Variants in PDZD4 observed in about 807,000 individuals in gnomAD.
The protein encoded by PDZD4 is PDZ domain-containing protein 4.
Under a neutral mutation model 38.5 loss-of-function variants are expected in PDZD4, and 9 were observed. The ratio of observed to expected loss-of-function variants is 0.23; its 90% CI spans 0.14 to 0.41. PDZD4 has a LOEUF of 0.41. Ranked by LOEUF, PDZD4 falls within the 10% of genes least tolerant of loss-of-function variation. The pLI, the probability that PDZD4 is intolerant of heterozygous loss-of-function variation, is 1.00. For missense variants in PDZD4, 612 were observed against 722.0 expected (o/e 0.85, Z 1.75); for synonymous variants, 349 against 315.7 (o/e 1.11, Z -1.12).
At chrX:153,811,748 C>T (rs1404143059) in intron 1 of PDZD4, among the ~76,000 whole-genome samples, 1 of 111,957 alleles carries the variant, frequency 8.9e-6, no homozygotes, top group Non-Finnish European at 1.9e-5. Context: ...GTTGGAAGAC[C>T]GTAAGAATGT....
At chrX:153,818,876 G>A (rs1306904200) in intron 1 of PDZD4, among the ~76,000 whole-genome samples, 3 of 109,453 alleles carry the variant, frequency 2.7e-5, no homozygotes, top group Admixed American at 9.5e-5. Context: ...GGACATGCGG[G>A]CAAGGGAGGG....
At chrX:153,807,252 G>A (rs782360558) in intron 3 of PDZD4, 27 bp downstream of exon 3, 32 of 1,198,648 alleles carry the variant, frequency 2.7e-5, no homozygotes, top group Non-Finnish European at 3.3e-5. Flanking sequence ...AGCTGGCTGC[G>A]GGCCCTGGCC....
At chrX:153,816,514 G>A (rs1459717153) in intron 1 of PDZD4, among the ~76,000 whole-genome samples, 4 of 110,244 alleles carry the variant, frequency 3.6e-5, no homozygotes, top group South Asian at 3.9e-4. Flanking sequence ...GAAGAGGGGG[G>A]AATCCTGCCC....
intron 1 of PDZD4, among the ~76,000 whole-genome samples, chrX:153,827,403 A>G (rs1411523005): frequency 8.9e-6 from 1 of 112,311 alleles, no homozygotes; most frequent in Non-Finnish European, 1.9e-5. Context: ...AAAAGCAAGG[A>G]CTCAAACAGA....
chrX:153,806,169 A>C, intron 4 of PDZD4, 36 bp from the exon 5 acceptor site: 1 of 1,198,172 alleles, frequency 8.3e-7, no homozygotes, highest in Non-Finnish European at 1.1e-6. Context: ...CTTGGTGCCT[A>C]ACATGCCCTT....
intron 1 of PDZD4, among the ~76,000 whole-genome samples, chrX:153,818,883 A>AG (rs2064390102): frequency 1.5e-5 from 1 of 66,624 alleles, no homozygotes; most frequent in Non-Finnish European, 2.9e-5. Flanking sequence ...CGGGCAAGGG[A>AG]GGGGGGACAC....
At chrX:153,819,804 TTCATGTTTC>T (rs1164635169) in intron 1 of PDZD4, among the ~76,000 whole-genome samples, 1 of 111,786 alleles carries the variant, frequency 8.9e-6, no homozygotes, top group Non-Finnish European at 1.9e-5. Flanking sequence ...AAAGTCCCCA[TTCATGTTTC>T]CCCAGCTCGG....
chrX:153,830,138 C>G (rs1557083444), intron 1 of PDZD4, 101 bp downstream of exon 1: 2 of 810,550 alleles, frequency 2.5e-6, no homozygotes, highest in Admixed American at 8.7e-5. Flanking sequence ...TTGTCCTCCT[C>G]GAGCCCTCCC....
intron 1 of PDZD4, among the ~76,000 whole-genome samples, chrX:153,810,736 T>C (rs1427411577): frequency 2.7e-5 from 3 of 112,383 alleles, no homozygotes; most frequent in Non-Finnish European, 3.8e-5. Flanking sequence ...ACCACCGCTG[T>C]ACGAGTCTTT....
intron 1 of PDZD4, among the ~76,000 whole-genome samples, chrX:153,824,912 C>T (rs2064464673): frequency 8.9e-6 from 1 of 112,090 alleles, no homozygotes; most frequent in African/African-American, 3.2e-5. Flanking sequence ...GCAGGAGAAT[C>T]GCTTGAACCC....
At position 153,804,128 on chromosome X, in the gene PDZD4, G is replaced by C; in HGVS notation, c.1553C>G (p.Ala518Gly). The C allele has an allele frequency of 8.7e-7, 1 of 1,149,292 alleles. No individual in the cohort carries two copies. The highest frequency in any genetic ancestry group is 1.2e-6 in the Non-Finnish European group (1 of 867,465). The allele number at this position is 1,149,292 out of a possible 1,213,427, so 94.7% of individuals were successfully genotyped here. ...TGGAGGAGCTGCCTTGGCGGGGGTGGCAACAGCGGGGCCGGGAGGGGTCCG... is the reference window on the plus strand; with the variant it reads ...TGGAGGAGCTGCCTTGGCGGGGGTGCCAACAGCGGGGCCGGGAGGGGTCCG... ...LNRTPPGPAV[A>G]TPAKAAPPPG... The change falls in exon 8 of 8, where the codon GCC becomes GGC. Residue 518 changes from alanine to glycine, a missense_variant. Ala to Gly is a moderately conservative substitution (Grantham distance 60, BLOSUM62 0). Around this residue, in one of 3 missense-constraint regions of PDZD4, gnomAD observed 300 missense variants for 284.6 expected, o/e 1.05. Transcript: ENST00000393758.
chrX:153,813,658 T>C (rs1041691433), intron 1 of PDZD4, among the ~76,000 whole-genome samples: 1 of 112,258 alleles, frequency 8.9e-6, no homozygotes, highest in African/African-American at 3.2e-5. Flanking sequence ...GGCTTCAATC[T>C]GCTTTTAATA....
intron 2 of PDZD4, chrX:153,807,891 G>A (rs1003063808): frequency 1.0e-6 from 1 of 980,627 alleles, no homozygotes; most frequent in South Asian, 2.0e-5. Flanking sequence ...ATGAGGCAGC[G>A]CTCACGCGGT....
At chrX:153,816,819 C>T (rs1557080079) in intron 1 of PDZD4, among the ~76,000 whole-genome samples, 2 of 111,611 alleles carry the variant, frequency 1.8e-5, no homozygotes, top group South Asian at 3.8e-4. Context: ...CAGCAGGCAA[C>T]GGCAGTGGTC....
intron 1 of PDZD4, among the ~76,000 whole-genome samples, chrX:153,809,936 G>A (rs1284979300): frequency 2.7e-5 from 3 of 113,023 alleles, no homozygotes; most frequent in Admixed American, 1.9e-4. Context: ...TACGCACAGC[G>A]CAGGTGGTGG....
In PDZD4 at chrX:153,804,898, G is replaced by A. The variant is rs1557076368; in HGVS notation, c.783C>T (p.Pro261=). 5.0e-6 allele frequency: 6 copies of A among 1,205,372 alleles called. No homozygotes were observed. Among genetic ancestry groups the A allele is most frequent in the Middle Eastern group, 2.3e-4 (1 of 4,332 alleles). The change falls in exon 8 of 8, where the codon CCC becomes CCT. Residue 261 remains proline (P), a splice_region_variant and synonymous_variant. Coordinates refer to ENST00000393758, the MANE Select transcript of PDZD4 (RefSeq NM_001303512.2). ...GAGCCCCCTTCTCCTCTTCGTTTCCGGGCTAGAGCAGAAAGGTAAGTACCG... is the reference window on the plus strand; with the variant it reads ...GAGCCCCCTTCTCCTCTTCGTTTCCAGGCTAGAGCAGAAAGGTAAGTACCG... ...RKLKSPPAQQ[P]GNEEEKGAPD...
At chrX:153,828,245 G>T (rs2064502132) in intron 1 of PDZD4, among the ~76,000 whole-genome samples, 1 of 112,359 alleles carries the variant, frequency 8.9e-6, no homozygotes. Context: ...CAGTCCCCTG[G>T]GACAGCTCAT....
chrX:153,822,652 C>CCTCTCT (rs782265290), intron 1 of PDZD4, among the ~76,000 whole-genome samples: 8 of 99,701 alleles, frequency 8.0e-5, no homozygotes, highest in Admixed American at 3.4e-4. Context: ...TCCCTCCCTC[C>CCTCTCT]CTCTCTCTCT....
chrX:153,804,051 G>A lies in PDZD4; in HGVS notation c.1630C>T (p.Arg544Trp), dbSNP rs782274657. The A allele has an allele frequency of 5.2e-6, 6 of 1,158,875 alleles. No individual in the cohort carries two copies. The South Asian group carries it at 5.7e-5, about 11-fold the overall frequency. ...CCGCGCTCCTCCGCGTGCTGCCTCC[G>A]GCCGGCCTCAGGATCCCGGGAGAGG... The part of the protein sequence containing the change: ...RSLSRDPEAG[R>W]RQHAEERGRR... The change falls in exon 8 of 8, where the codon CGG becomes TGG. Residue 544 changes from arginine (R) to tryptophan (W), a missense_variant. Coordinates refer to ENST00000393758, the MANE Select transcript of PDZD4 (RefSeq NM_001303512.2).
Sources: allele counts gnomAD v4.1 joint callset (sites outside exome capture counted in the v4.1 genomes callset), GRCh38; gene constraint gnomAD v4.1.1; regional missense constraint gnomAD v4.1.1; transcripts MANE v1.5; gene names NCBI Gene and HGNC (gene_info 2026-07-23, HGNC 2026-07-21).